The following ABLIM3 variants were observed in gnomAD, a reference collection of about 807,000 sequenced individuals.
ABLIM3 encodes actin-binding LIM protein 3.
ABLIM3 carries 61 observed loss-of-function variants against 109.5 expected under a neutral mutation model. The observed-to-expected ratio is 0.56, with a 90% CI of 0.45 to 0.69. The LOEUF is 0.69. Ranked by LOEUF, ABLIM3 falls within the 30% of genes least tolerant of loss-of-function variation. ABLIM3 has a pLI of 0.00. For missense variants in ABLIM3, 796 were observed against 889.5 expected (o/e 0.89, Z 1.34); for synonymous variants, 300 against 324.8 (o/e 0.92, Z 0.82).
chr5:149,202,976 C>T (rs1232646224), intron 5 of ABLIM3, among the ~76,000 whole-genome samples: 1 of 151,980 alleles, frequency 6.6e-6, no homozygotes, highest in Admixed American at 6.6e-5. Context: ...ACCACCACCG[C>T]CATCACCATC....
intron 3 of ABLIM3, among the ~76,000 whole-genome samples, chr5:149,191,010 C>G (rs889544731): frequency 2.0e-5 from 3 of 152,072 alleles, no homozygotes; most frequent in African/African-American, 7.2e-5. Context: ...GAATTAAGTT[C>G]AAAAACCGTG....
intron 3 of ABLIM3, among the ~76,000 whole-genome samples, chr5:149,196,148 C>T (rs1193513363): frequency 6.6e-6 from 1 of 152,112 alleles, no homozygotes; most frequent in Non-Finnish European, 1.5e-5. Context: ...CTGAGCTGTT[C>T]CCTCCCCTCA....
At position 149,251,500 on chromosome 5, in the gene ABLIM3, A is replaced by G. The variant is rs544024687; in HGVS notation, c.1849+81A>G. Reference sequence around the variant, plus strand: ...AAAACTGCAGCTTGACCTTCGGCAAATGATGGCTACAGATTCTGTCCCCAC... The same window carrying G: ...AAAACTGCAGCTTGACCTTCGGCAAGTGATGGCTACAGATTCTGTCCCCAC... On this transcript the variant is annotated intron_variant, in intron 21 of 23. Transcript: ENST00000309868. 10 of 1,505,938 alleles carry G rather than the reference A, an allele frequency of 6.6e-6. No homozygotes were observed. The African/African-American group carries it at 8.2e-5, about 12-fold the overall frequency. 93.3% of individuals were successfully genotyped at this position (1,505,938 alleles called of 1,614,324 possible).
intron 9 of ABLIM3, among the ~76,000 whole-genome samples, chr5:149,232,377 C>T (rs373867977): frequency 4.6e-5 from 7 of 152,126 alleles, no homozygotes; most frequent in East Asian, 1.9e-4. Flanking sequence ...CAAACTGAGA[C>T]GGCCTCCTTG....
At chr5:149,160,229 T>C (rs529681698) in intron 2 of ABLIM3, among the ~76,000 whole-genome samples, 3 of 152,024 alleles carry the variant, frequency 2.0e-5, no homozygotes, top group Non-Finnish European at 4.4e-5. Flanking sequence ...CCAACGTGGG[T>C]GGATCGCTTG....
intron 2 of ABLIM3, among the ~76,000 whole-genome samples, chr5:149,165,878 A>G (rs150677787): frequency 6.5e-4 from 99 of 152,344 alleles, no homozygotes; most frequent in African/African-American, 2.3e-3. Flanking sequence ...TGACTATGCT[A>G]TTGAATAACA....
chr5:149,212,370 G>T (rs546561298), intron 7 of ABLIM3, among the ~76,000 whole-genome samples: 1 of 152,182 alleles, frequency 6.6e-6, no homozygotes, highest in Non-Finnish European at 1.5e-5. Context: ...GGTGGAGTTT[G>T]CATGTGACTC....
intron 2 of ABLIM3, among the ~76,000 whole-genome samples, chr5:149,173,750 G>A (rs1256477203): frequency 3.3e-5 from 5 of 152,228 alleles, no homozygotes; most frequent in East Asian, 3.9e-4. Context: ...CGCCGGGCGC[G>A]GTGGCTCACG....
Position 149,198,444 on chromosome 5 carries a change from C to T in ABLIM3, c.335+42C>T, listed in dbSNP as rs745435669. 5 of 1,544,370 alleles carry T rather than the reference C, an allele frequency of 3.2e-6. No homozygotes were observed. The African/African-American group carries it at 6.9e-5, about 21-fold the overall frequency. On this transcript the variant is annotated intron_variant, in intron 4 of 23. Coordinates refer to ENST00000309868, the MANE Select transcript of ABLIM3 (RefSeq NM_014945.5). This position sits in a 1 kb window ranked among gnomAD's most constrained non-coding sequence, Gnocchi z 4.2. ...CAGGGCCTGGGACCCTCTGCATAAG[C>T]CCCCGGGGCAGGGGAAGACCTGGCT... is the stretch of plus-strand genomic sequence containing the variant.
chr5:149,167,527 A>C (rs973436231), intron 2 of ABLIM3, among the ~76,000 whole-genome samples: 2 of 152,210 alleles, frequency 1.3e-5, no homozygotes, highest in African/African-American at 4.8e-5. Flanking sequence ...TAGATTTTTC[A>C]GATGGTCTCA....
intron 8 of ABLIM3, among the ~76,000 whole-genome samples, chr5:149,227,506 A>G (rs1426424832): frequency 6.6e-6 from 1 of 152,208 alleles, no homozygotes; most frequent in African/African-American, 2.4e-5. Context: ...CATTCCAAGA[A>G]AATAAATTTA....
chr5:149,203,663 C>G (rs547288066), intron 5 of ABLIM3, among the ~76,000 whole-genome samples: 1 of 151,626 alleles, frequency 6.6e-6, no homozygotes, highest in Admixed American at 6.6e-5. Context: ...CCACTATTAC[C>G]ACTATCGCCA....
chr5:149,142,536 G>A (rs954262404), intron 2 of ABLIM3, among the ~76,000 whole-genome samples: 3 of 152,186 alleles, frequency 2.0e-5, no homozygotes, highest in Non-Finnish European at 1.5e-5. Context: ...GTGGGTGTGG[G>A]CAGGCAGTGG....
At chr5:149,201,042 G>A (rs1296466147) in intron 5 of ABLIM3, among the ~76,000 whole-genome samples, 1 of 152,164 alleles carries the variant, frequency 6.6e-6, no homozygotes, top group Admixed American at 6.5e-5. Context: ...TAGGGATAAA[G>A]GCAGCATCTG....
intron 2 of ABLIM3, among the ~76,000 whole-genome samples, chr5:149,157,193 GA>G (rs1753931622): frequency 6.6e-6 from 1 of 152,186 alleles, no homozygotes; most frequent in African/African-American, 2.4e-5. Context: ...GCCATTAAAT[GA>G]CAAGCTGCAC....
At chr5:149,180,523 G>A (rs1756364755) in intron 2 of ABLIM3, among the ~76,000 whole-genome samples, 1 of 152,210 alleles carries the variant, frequency 6.6e-6, no homozygotes, top group African/African-American at 2.4e-5. Context: ...CGTCCAGTCT[G>A]CATGAGGAAC....
chr5:149,255,170 C>T (rs1161931699), intron 23 of ABLIM3, among the ~76,000 whole-genome samples: 1 of 152,226 alleles, frequency 6.6e-6, no homozygotes, highest in Non-Finnish European at 1.5e-5. Flanking sequence ...AGAGTTTGAA[C>T]CGAGGGAGCT....
chr5:149,230,214 G>A (rs138778242), intron 8 of ABLIM3, among the ~76,000 whole-genome samples: 84 of 152,280 alleles, frequency 5.5e-4, no homozygotes, highest in Admixed American at 2.0e-3. Context: ...GCAAAGTCCC[G>A]TGCTGGGGAC....
intron 2 of ABLIM3, among the ~76,000 whole-genome samples, chr5:149,168,856 G>A (rs9763202): frequency 0.72 from 109,717 of 152,092 alleles, 39,811 homozygotes; most frequent in East Asian, 0.88. Flanking sequence ...GTCTAGCCCA[G>A]GATTTCTTGA....
Sources: gnomAD v4.1 joint callset for allele counts (sites outside exome capture counted in the v4.1 genomes callset) on GRCh38, gnomAD v4.1.1 for gene constraint, Gnocchi (gnomAD v3.1) non-coding constraint, MANE v1.5 for transcripts, NCBI Gene and HGNC (gene_info 2026-07-23, HGNC 2026-07-21) for gene names.